Variants in RPH3A observed in about 807,000 individuals in gnomAD.
RPH3A encodes the protein rabphilin-3A.
A neutral mutation model predicts 102.2 loss-of-function variants in RPH3A; 48 were observed. The ratio of observed to expected loss-of-function variants is 0.47; its 90% CI spans 0.37 to 0.60. RPH3A has a LOEUF of 0.60. RPH3A is among the 20% of genes least tolerant of loss of function. RPH3A has a pLI of 0.00. For missense variants in RPH3A, 781 were observed against 910.1 expected, an observed-to-expected ratio of 0.86 and a Z score of 1.83; for synonymous variants, 310 against 324.3, an observed-to-expected ratio of 0.96 and a Z score of 0.47.
At chr12:112,744,968 G>A (rs2040734161) in intron 1 of RPH3A, among the ~76,000 whole-genome samples, 1 of 152,158 alleles carries the variant, frequency 6.6e-6, no homozygotes, top group Admixed American at 6.5e-5. Flanking sequence ...CTAATCCACA[G>A]CTTATTTTCA....
intron 15 of RPH3A, 30 bp from the exon 16 acceptor site, chr12:112,883,263 G>A (rs780671611): frequency 6.4e-7 from 1 of 1,571,274 alleles, no homozygotes; most frequent in Admixed American, 1.7e-5. Context: ...ACTGAGGTAG[G>A]TGTCTCTGTC....
intron 1 of RPH3A, among the ~76,000 whole-genome samples, chr12:112,598,161 C>T (rs1031952319): frequency 2.0e-5 from 3 of 152,174 alleles, no homozygotes; most frequent in African/African-American, 7.2e-5. Context: ...GAACATACTG[C>T]CATGTCATGC....
chr12:112,878,350 C>T (rs947222242), intron 13 of RPH3A, among the ~76,000 whole-genome samples: 2 of 152,134 alleles, frequency 1.3e-5, no homozygotes, highest in African/African-American at 4.8e-5. Flanking sequence ...TTAACTTATC[C>T]CGGCTGTTTA....
At chr12:112,841,561 C>A (rs2042145164) in intron 4 of RPH3A, among the ~76,000 whole-genome samples, 1 of 152,040 alleles carries the variant, frequency 6.6e-6, no homozygotes, top group Non-Finnish European at 1.5e-5. Context: ...TAAATGTAAA[C>A]CCTATGATAC....
intron 1 of RPH3A, among the ~76,000 whole-genome samples, chr12:112,778,004 A>G (rs1050071093): frequency 1.3e-5 from 2 of 152,262 alleles, no homozygotes; most frequent in East Asian, 1.9e-4. Context: ...GGGAGGCACC[A>G]GCATTTACAG....
intron 2 of RPH3A, among the ~76,000 whole-genome samples, chr12:112,799,121 C>G (rs910269934): frequency 6.6e-6 from 1 of 150,622 alleles, no homozygotes; most frequent in Non-Finnish European, 1.5e-5. Context: ...GATGATGGCT[C>G]GCACTTGTAA....
intron 1 of RPH3A, among the ~76,000 whole-genome samples, chr12:112,714,415 G>A (rs2040500634): frequency 6.6e-6 from 1 of 152,174 alleles, no homozygotes; most frequent in Admixed American, 6.5e-5. Flanking sequence ...CTCTAATCAA[G>A]CAGAACCAGC....
intron 1 of RPH3A, among the ~76,000 whole-genome samples, chr12:112,611,212 G>T (rs2135974301): frequency 6.6e-6 from 1 of 152,282 alleles, no homozygotes; most frequent in South Asian, 2.1e-4. Flanking sequence ...TTGTTAATCA[G>T]TTTCACTGAT....
At chr12:112,874,751 C>T (rs949156157) in intron 10 of RPH3A, 3 of 262,314 alleles carry the variant, frequency 1.1e-5, no homozygotes, top group Non-Finnish European at 2.2e-5. Context: ...TTCCCCACAA[C>T]TCTATCAGCT....
intron 1 of RPH3A, among the ~76,000 whole-genome samples, chr12:112,682,753 A>T (rs1449225599): frequency 2.0e-5 from 3 of 152,182 alleles, no homozygotes; most frequent in Non-Finnish European, 4.4e-5. Flanking sequence ...GGTCCCAGGG[A>T]CATACATTCC....
intron 4 of RPH3A, among the ~76,000 whole-genome samples, chr12:112,840,546 G>C (rs1172105347): frequency 6.6e-6 from 1 of 151,938 alleles, no homozygotes; most frequent in Non-Finnish European, 1.5e-5. Flanking sequence ...TTCCGCAAAA[G>C]GCCCAGAAAT....
chr12:112,697,287 T>C (rs2040359629), intron 1 of RPH3A, among the ~76,000 whole-genome samples: 1 of 152,156 alleles, frequency 6.6e-6, no homozygotes, highest in Admixed American at 6.5e-5. Flanking sequence ...CAGGATACAA[T>C]GGCAATATAA....
intron 1 of RPH3A, among the ~76,000 whole-genome samples, chr12:112,664,211 G>A (rs951377790): frequency 2.0e-5 from 3 of 152,184 alleles, no homozygotes; most frequent in Non-Finnish European, 4.4e-5. Context: ...TGGAGTACAT[G>A]TGGAGTGGTT....
chr12:112,738,087 C>T (rs1369676714), intron 1 of RPH3A, among the ~76,000 whole-genome samples: 9 of 152,190 alleles, frequency 5.9e-5, no homozygotes, highest in Non-Finnish European at 1.3e-4. Flanking sequence ...CTTGGCATTG[C>T]TAGTCTCGTA....
intron 2 of RPH3A, among the ~76,000 whole-genome samples, chr12:112,811,521 A>G (rs1208479252): frequency 6.7e-6 from 1 of 149,928 alleles, no homozygotes; most frequent in African/African-American, 2.4e-5. Flanking sequence ...GTGTGGCACT[A>G]AATAGAACCC....
intron 1 of RPH3A, among the ~76,000 whole-genome samples, chr12:112,610,843 A>G (rs943770840): frequency 3.3e-5 from 5 of 152,072 alleles, no homozygotes; most frequent in East Asian, 1.9e-4. Context: ...TCACCGTGTT[A>G]GCCAGGATGG....
chr12:112,657,602 A>G (rs1447547147), intron 1 of RPH3A, among the ~76,000 whole-genome samples: 1 of 152,156 alleles, frequency 6.6e-6, no homozygotes, highest in African/African-American at 2.4e-5. Context: ...GGTGATAGGA[A>G]TTTTCCAGCT....
intron 1 of RPH3A, among the ~76,000 whole-genome samples, chr12:112,584,537 C>T (rs888823319): frequency 4.6e-5 from 7 of 152,278 alleles, no homozygotes; most frequent in African/African-American, 1.7e-4. Context: ...GTGGTCCAAA[C>T]ACAGGGGCCA....
intron 5 of RPH3A, 30 bp from the exon 6 acceptor site, chr12:112,865,384 G>A (rs1249711928): frequency 6.2e-7 from 1 of 1,611,350 alleles, no homozygotes; most frequent in Non-Finnish European, 8.5e-7. Context: ...AGTCCTACAA[G>A]GTCCTTATTT....
Sources: allele counts gnomAD v4.1 joint callset (sites outside exome capture counted in the v4.1 genomes callset), GRCh38; gene constraint gnomAD v4.1.1; transcripts MANE v1.5; gene names NCBI Gene and HGNC (gene_info 2026-07-23, HGNC 2026-07-21).